Variants in PRKG2 observed in about 807,000 individuals in gnomAD.
PRKG2 encodes cGMP-dependent protein kinase 2.
A neutral mutation model predicts 97.2 loss-of-function variants in PRKG2; 33 were observed. The ratio of observed to expected loss-of-function variants is 0.34; its 90% CI spans 0.26 to 0.45. PRKG2 has a LOEUF of 0.45. PRKG2 is among the 20% of genes least tolerant of loss of function. PRKG2 has a pLI of 1.00. For synonymous variants in PRKG2, 330 were observed against 321.8 expected, an observed-to-expected ratio of 1.03 and a Z score of -0.27; for missense variants, 638 against 900.0, an observed-to-expected ratio of 0.71 and a Z score of 3.73.
chr4:81,215,358 G>A (rs1260159383), upstream of PRKG2, among the ~76,000 whole-genome samples: 7 of 152,202 alleles, frequency 4.6e-5, no homozygotes. Context: ...ACACTAGCCC[G>A]AACCTTTACT....
At chr4:81,176,469 A>G (rs933850657) in intron 2 of PRKG2, among the ~76,000 whole-genome samples, 5 of 152,162 alleles carry the variant, frequency 3.3e-5, no homozygotes, top group Non-Finnish European at 7.4e-5. Context: ...CTCACTTAAT[A>G]TATATTGAGA....
intron 2 of PRKG2, among the ~76,000 whole-genome samples, chr4:81,176,895 A>T (rs1750975747): frequency 1.3e-5 from 2 of 152,158 alleles, no homozygotes; most frequent in Admixed American, 1.3e-4. Flanking sequence ...ATAGAAAAAA[A>T]AAATCAATAT....
At chr4:81,195,070 T>G (rs561812665) in intron 2 of PRKG2, among the ~76,000 whole-genome samples, 2 of 152,362 alleles carry the variant, frequency 1.3e-5, no homozygotes, top group East Asian at 3.9e-4. Context: ...GGATTACAGC[T>G]GTAAACAACA....
At chr4:81,112,768 T>G (rs1359219813) in intron 14 of PRKG2, among the ~76,000 whole-genome samples, 2 of 152,206 alleles carry the variant, frequency 1.3e-5, no homozygotes, top group Admixed American at 1.3e-4. Context: ...GTGCCTAATA[T>G]AGAAGGCCCC....
chr4:81,173,317 A>G (rs17005083), intron 3 of PRKG2, among the ~76,000 whole-genome samples: 1,728 of 152,212 alleles, frequency 0.011, 31 homozygotes, highest in African/African-American at 0.039. Context: ...TCTGATCTCA[A>G]TAGCTGTTTT....
intron 14 of PRKG2, among the ~76,000 whole-genome samples, chr4:81,112,442 ATT>A (rs1744081342): frequency 6.9e-6 from 1 of 144,862 alleles, no homozygotes; most frequent in African/African-American, 2.8e-5. Context: ...ATATGAAAAT[ATT>A]GTTTTGTTGG....
chr4:81,110,809 T>C (rs563541472), intron 14 of PRKG2, among the ~76,000 whole-genome samples, 198 bp from the exon 15 acceptor site: 9 of 146,966 alleles, frequency 6.1e-5, no homozygotes, highest in Non-Finnish European at 1.3e-4. Flanking sequence ...AGAGACCACC[T>C]CGTGTATTCC....
At chr4:81,198,558 G>T (rs377756970) in intron 2 of PRKG2, among the ~76,000 whole-genome samples, 2 of 151,930 alleles carry the variant, frequency 1.3e-5, no homozygotes, top group African/African-American at 4.8e-5. Context: ...CACTCACACT[G>T]TAGGCTGCAC....
chr4:81,102,701 A>G (rs1035148261), intron 17 of PRKG2, among the ~76,000 whole-genome samples: 2 of 152,202 alleles, frequency 1.3e-5, no homozygotes, highest in African/African-American at 4.8e-5. Flanking sequence ...GCAGAGCTCA[A>G]TATGAATTTA....
chr4:81,158,698 T>C (rs1355955487), intron 6 of PRKG2, among the ~76,000 whole-genome samples: 3 of 152,104 alleles, frequency 2.0e-5, no homozygotes, highest in African/African-American at 4.8e-5. Context: ...CTTCAAACTA[T>C]ACTACAAGGC....
intron 17 of PRKG2, among the ~76,000 whole-genome samples, chr4:81,095,850 C>T (rs1413576645): frequency 6.6e-6 from 1 of 152,086 alleles, no homozygotes; most frequent in Non-Finnish European, 1.5e-5. Context: ...AGATCCAAAC[C>T]ACTGTAATAA....
intron 14 of PRKG2, among the ~76,000 whole-genome samples, chr4:81,129,702 C>T (rs1049983402): frequency 1.3e-5 from 2 of 152,140 alleles, no homozygotes. Flanking sequence ...ATTCCTCCAT[C>T]CCTGCATTTT....
intron 11 of PRKG2, among the ~76,000 whole-genome samples, chr4:81,141,301 G>A (rs930562525): frequency 3.9e-5 from 6 of 152,104 alleles, no homozygotes; most frequent in African/African-American, 9.7e-5. Flanking sequence ...ATGAGCCACC[G>A]CACCCAGCCT....
At chr4:81,103,736 A>C (rs1403916948) in intron 17 of PRKG2, among the ~76,000 whole-genome samples, 2 of 152,174 alleles carry the variant, frequency 1.3e-5, no homozygotes, top group Non-Finnish European at 2.9e-5. Flanking sequence ...ATAGATCAAC[A>C]AAAATACATA....
At chr4:81,141,454 C>T (rs1747281357) in intron 11 of PRKG2, among the ~76,000 whole-genome samples, 1 of 152,130 alleles carries the variant, frequency 6.6e-6, no homozygotes, top group African/African-American at 2.4e-5. Context: ...TAGTTAGTGG[C>T]TACCCTATTA....
intron 6 of PRKG2, among the ~76,000 whole-genome samples, chr4:81,159,084 G>A (rs200579607): frequency 0.098 from 14,931 of 152,104 alleles, 990 homozygotes; most frequent in Middle Eastern, 0.2. Flanking sequence ...CAAAAGCAAT[G>A]GCAACAAAAG....
chr4:81,136,831 TTAGAGG>T (rs559991522), intron 13 of PRKG2, among the ~76,000 whole-genome samples: 140 of 152,334 alleles, frequency 9.2e-4, no homozygotes, highest in Non-Finnish European at 1.8e-3. Context: ...TCTAAACTCA[TTAGAGG>T]TAAAGTTTCT....
At chr4:81,180,639 A>G (rs909385681) in intron 2 of PRKG2, among the ~76,000 whole-genome samples, 7 of 152,168 alleles carry the variant, frequency 4.6e-5, no homozygotes, top group Non-Finnish European at 8.8e-5. Context: ...AATTGGCAAA[A>G]TTAAAAGAAA....
chr4:81,091,872 C>T (rs539420024), intron 18 of PRKG2, among the ~76,000 whole-genome samples: 39 of 152,238 alleles, frequency 2.6e-4, no homozygotes, highest in South Asian at 1.7e-3. Context: ...CTTGAAATGT[C>T]GCTCTTCTGA....
Sources: gnomAD v4.1 joint callset for allele counts (sites outside exome capture counted in the v4.1 genomes callset) on GRCh38, gnomAD v4.1.1 for gene constraint, MANE v1.5 for transcripts, NCBI Gene and HGNC (gene_info 2026-07-23, HGNC 2026-07-21) for gene names.